SPG7: variants seen among roughly 807,000 people sequenced by gnomAD.
SPG7 encodes the protein SPG7 matrix AAA peptidase subunit, paraplegin.
SPG7 carries 103 observed loss-of-function variants against 81.9 expected under a neutral mutation model. The observed-to-expected ratio is 1.26, with a 90% CI of 1.07 to 1.48. The LOEUF is 1.48. Ranked by LOEUF, SPG7 falls within the 40% of genes most tolerant of loss-of-function variation. The pLI is 0.00. For synonymous variants in SPG7, 534 were observed against 444.2 expected, an observed-to-expected ratio of 1.20 and a Z score of -2.54; for missense variants, 1,241 against 1,087.3, an observed-to-expected ratio of 1.14 and a Z score of -1.99.
intron 16 of SPG7, 51 bp from the exon 17 acceptor site, chr16:89,556,836 A>G (rs2058691689): frequency 7.1e-7 from 1 of 1,417,430 alleles, no homozygotes; most frequent in South Asian, 1.2e-5. Flanking sequence ...GGACATAGAG[A>G]TGCTCTGTCT....
intron 7 of SPG7, chr16:89,531,051 C>T (rs1477498921): frequency 3.5e-5 from 21 of 599,010 alleles, no homozygotes; most frequent in East Asian, 2.9e-4. Context: ...TGCCGTTAGC[C>T]GTCCTGGGCC....
chr16:89,544,920 C>G (rs921809780), intron 10 of SPG7, 148 bp downstream of exon 10: 26 of 928,252 alleles, frequency 2.8e-5, no homozygotes, highest in Non-Finnish European at 1.7e-6. Flanking sequence ...GCCCCCGCAT[C>G]GGCTGCACGC....
chr16:89,528,161 C>T (rs570691863), intron 5 of SPG7, among the ~76,000 whole-genome samples: 5 of 151,280 alleles, frequency 3.3e-5, no homozygotes, highest in Non-Finnish European at 4.4e-5. Flanking sequence ...GAGGCCGAGG[C>T]GGGCAGATCA....
At chr16:89,548,387 C>T (rs2058592824) in intron 12 of SPG7, 1 of 451,488 alleles carries the variant, frequency 2.2e-6, no homozygotes, top group Admixed American at 4.0e-5. Flanking sequence ...AAAATGCCCC[C>T]CAAAAATAAA....
intron 3 of SPG7, among the ~76,000 whole-genome samples, chr16:89,515,656 C>G (rs1377008734): frequency 2.0e-5 from 3 of 150,174 alleles, no homozygotes; most frequent in African/African-American, 7.3e-5. Flanking sequence ...GGGATGATCA[C>G]TTGAGCCCAG....
chr16:89,543,108 C>G (rs935271425), intron 9 of SPG7: 1 of 151,830 alleles, frequency 6.6e-6, no homozygotes, highest in Non-Finnish European at 1.5e-5. Context: ...CCACCACGCC[C>G]AGCTAATTTT....
At chr16:89,549,220 G>GT (rs1341615095) in intron 12 of SPG7, 1 of 456,760 alleles carries the variant, frequency 2.2e-6, no homozygotes, top group Non-Finnish European at 4.4e-6. Flanking sequence ...CCACAAGCCA[G>GT]TTGAAAGAAA....
chr16:89,546,092 CT>C (rs891752792), intron 10 of SPG7: 17,133 of 244,958 alleles, frequency 0.07, 14 homozygotes, highest in South Asian at 0.12. Context: ...AGAGCGTTCT[CT>C]TTTTTTTTTT....
At chr16:89,520,654 C>A (rs1241410651) in intron 3 of SPG7, 2 of 152,358 alleles carry the variant, frequency 1.3e-5, no homozygotes, top group African/African-American at 2.4e-5. Flanking sequence ...ACCTCAGCCT[C>A]CCAAAGTGCC....
At chr16:89,513,933 A>C (rs2058055668) in intron 3 of SPG7, among the ~76,000 whole-genome samples, 1 of 152,104 alleles carries the variant, frequency 6.6e-6, no homozygotes, top group Non-Finnish European at 1.5e-5. Context: ...TATTATTGTG[A>C]ATTCGAGTTT....
chr16:89,548,544 C>T lies in SPG7; in HGVS notation c.1663+431C>T. ...TGTGGAGGGACAGCCGTGCTTTCAG[C>T]GCAGCAGGGGCTCTGCGGAGAGGTG... On this transcript the variant is annotated intron_variant, in intron 12 of 16. Coordinates refer to ENST00000645818, the MANE Select transcript of SPG7 (RefSeq NM_003119.4). 2.6e-5 allele frequency: 8 copies of T among 308,562 alleles called. 1 individual carries two copies. The highest frequency in any genetic ancestry group is 1.7e-4 in the South Asian group (6 of 36,264). The allele number at this position is 308,562 out of a possible 1,614,324, so 19.1% of individuals were successfully genotyped here.
At chr16:89,553,181 C>G in intron 14 of SPG7, 46 bp downstream of exon 14, 1 of 1,547,930 alleles carries the variant, frequency 6.5e-7, no homozygotes, top group South Asian at 1.2e-5. Context: ...AGCGCTTTTC[C>G]CTGCATGACT....
chr16:89,510,731 C>A, intron 2 of SPG7, 139 bp downstream of exon 2: 1 of 692,604 alleles, frequency 1.4e-6, no homozygotes, highest in Non-Finnish European at 2.6e-6. Flanking sequence ...ATGGTGTGAT[C>A]AGAGCTCACT....
chr16:89,541,994 C>CCCGG lies in SPG7; in HGVS notation c.1325-2653_1325-2650dup, dbSNP rs535642728. 112 of 151,066 alleles carry CCCGG rather than the reference C, an allele frequency of 7.4e-4. 1 individual carries two copies. The highest frequency in any genetic ancestry group is 2.7e-3 in the African/African-American group (109 of 41,094). 9.4% of individuals were successfully genotyped at this position (151,066 alleles called of 1,614,324 possible). Reference sequence around the variant, plus strand: ...GGGTGGCCATCCTAACACATAGCGGCCCGGGGGGAGCACGTGCCCCGCAGG... The same window carrying CCCGG: ...GGGTGGCCATCCTAACACATAGCGGCCCGGCCGGGGGGAGCACGTGCCCCGCAGG... On this transcript the variant is annotated intron_variant, in intron 9 of 16. Coordinates refer to ENST00000645818, the MANE Select transcript of SPG7 (RefSeq NM_003119.4).
chr16:89,544,052 T>C (rs2058533329), intron 9 of SPG7: 1 of 175,280 alleles, frequency 5.7e-6, no homozygotes, highest in Non-Finnish European at 1.2e-5. Flanking sequence ...CTGAACGTTC[T>C]TACGAGCATC....
In SPG7 at chr16:89,530,750, A is replaced by C. The variant is rs939767959; in HGVS notation, c.929A>C (p.Asp310Ala). 6.2e-7 allele frequency: 1 copy of C among 1,614,056 alleles called. No individual in the cohort carries two copies. The highest frequency in any genetic ancestry group is 8.5e-7 in the Non-Finnish European group (1 of 1,180,038). ...ATGGGGAAAGGAGTCAGCTTCAAAG[A>C]CGTGGCAGGAATGCACGAAGCCAAA... ...GKMGKGVSFK[D>A]VAGMHEAKLE... is the part of the protein sequence containing the mutation. Residue 310 changes from aspartate to alanine, a missense_variant, in exon 7 of 17, where the codon GAC (aspartate) becomes GCC (alanine). Coordinates refer to ENST00000645818, the MANE Select transcript of SPG7 (RefSeq NM_003119.4).
intron 13 of SPG7, 93 bp downstream of exon 13, chr16:89,550,702 GTGTC>G: frequency 1.2e-6 from 1 of 827,944 alleles, no homozygotes; most frequent in South Asian, 1.4e-5. Context: ...AGTCCCGCCT[GTGTC>G]TGTAGCTGAC....
In SPG7 at chr16:89,545,697, G is replaced by A. The variant is rs187726105; in HGVS notation, c.1449+925G>A. 316 of 267,590 alleles carry A rather than the reference G, an allele frequency of 1.2e-3. 3 individuals are homozygous for A. In the East Asian group the frequency reaches 0.024, roughly 21 times the overall value. The allele number at this position is 267,590 out of a possible 1,614,324, so 16.6% of individuals were successfully genotyped here. A position where few individuals can be genotyped will look rare whatever the true frequency, so the allele number is the denominator to read the frequency against. On this transcript the variant is annotated intron_variant, in intron 10 of 16. Coordinates refer to ENST00000645818, the MANE Select transcript of SPG7 (RefSeq NM_003119.4). ...GAGGGCAGCTTCTCCAGGGGAGGGCGGCTCCTGGCTTTTTGACTGTGTAAG... is the reference window on the plus strand; with the variant it reads ...GAGGGCAGCTTCTCCAGGGGAGGGCAGCTCCTGGCTTTTTGACTGTGTAAG...
At chr16:89,529,255 A>C in intron 5 of SPG7, 1 of 601,458 alleles carries the variant, frequency 1.7e-6, no homozygotes. Context: ...GCATCTGCAC[A>C]CTCAGTCTGA....
Sources: gnomAD v4.1 joint callset for allele counts (sites outside exome capture counted in the v4.1 genomes callset) on GRCh38, gnomAD v4.1.1 for gene constraint, MANE v1.5 for transcripts, NCBI Gene and HGNC (gene_info 2026-07-23, HGNC 2026-07-21) for gene names.